The following CD47 variants were observed in gnomAD, a reference collection of about 807,000 sequenced individuals.
CD47 encodes leukocyte surface antigen CD47.
A neutral mutation model predicts 44.6 loss-of-function variants in CD47; 11 were observed. That is an observed-to-expected ratio of 0.25 (90% confidence interval 0.16 to 0.41). The LOEUF (loss-of-function observed/expected upper bound fraction) is 0.41. CD47 is among the 10% of genes least tolerant of loss of function. The pLI, the probability that CD47 is intolerant of heterozygous loss-of-function variation, is 1.00. For synonymous variants in CD47, 140 were observed against 136.3 expected, an observed-to-expected ratio of 1.03 and a Z score of -0.19; for missense variants, 306 against 386.7, an observed-to-expected ratio of 0.79 and a Z score of 1.75.
intron 3 of CD47, among the ~76,000 whole-genome samples, chr3:108,069,382 G>T (rs143566749): frequency 6.6e-6 from 1 of 151,828 alleles, no homozygotes; most frequent in Non-Finnish European, 1.5e-5. Flanking sequence ...TAAGCTGTAC[G>T]AGTCCATTTA....
At chr3:108,081,084 G>A (rs1286723945) in intron 1 of CD47, among the ~76,000 whole-genome samples, 1 of 151,842 alleles carries the variant, frequency 6.6e-6, no homozygotes, top group East Asian at 1.9e-4. Flanking sequence ...TATATTATGG[G>A]TATTCTTCCT....
At chr3:108,069,081 G>A (rs909321306) in intron 3 of CD47, among the ~76,000 whole-genome samples, 2 of 152,164 alleles carry the variant, frequency 1.3e-5, no homozygotes, top group South Asian at 2.1e-4. Context: ...TATAATATCA[G>A]AATTATAACT....
chr3:108,047,191 C>A lies in CD47; in HGVS notation c.*97G>T. On this transcript the variant is annotated 3_prime_UTR_variant, in exon 11 of 11. Transcript: ENST00000361309. ...CCAGTTACTTTTCTTGTTTCTTCTC[C>A]CCAACAGTGAATCATCAAGGCCATG... 1.0e-6 allele frequency: 1 copy of A among 978,714 alleles called. No individual in the cohort carries two copies. Among genetic ancestry groups the A allele is most frequent in the Non-Finnish European group, 1.6e-6 (1 of 632,976 alleles). 60.6% of individuals were successfully genotyped at this position (978,714 alleles called of 1,614,324 possible). A position where few individuals can be genotyped will look rare whatever the true frequency, so the allele number is the denominator to read the frequency against.
At position 108,044,490 on chromosome 3, in the gene CD47, C is replaced by T. The variant is rs1294485185; in HGVS notation, c.*2798G>A. 1 of 133,022 alleles carries T rather than the reference C, an allele frequency of 7.5e-6. No individual in the cohort carries two copies. The highest frequency in any genetic ancestry group is 1.6e-5 in the Non-Finnish European group (1 of 63,154). The allele number at this position is 133,022 out of a possible 1,614,324, so 8.2% of individuals were successfully genotyped here. ...AAGAAAGAAAACTCTCAAGCTCACC[C>T]TATTAAAAAGTGATAAATCTAAATA... On this transcript the variant is annotated 3_prime_UTR_variant, in exon 11 of 11. Transcript: ENST00000361309.
intron 3 of CD47, among the ~76,000 whole-genome samples, chr3:108,066,786 G>A (rs1261210722): frequency 2.6e-5 from 4 of 152,222 alleles, no homozygotes; most frequent in African/African-American, 9.6e-5. Flanking sequence ...TTACTGCAAT[G>A]CAAGAAACTC....
chr3:108,058,425 A>G lies in CD47; in HGVS notation c.696T>C (p.Ile232=), dbSNP rs2078954796. The part of the protein sequence containing the change: ...LLHYYVFSTA[I]GLTSFVIAIL... Reference sequence around the variant, plus strand: ...TGGCAATGACGAAGGAGGTTAATCCAATCGCTGGAGGAAGGAAAAGGATGT... The same window carrying G: ...TGGCAATGACGAAGGAGGTTAATCCGATCGCTGGAGGAAGGAAAAGGATGT... The change falls in exon 6 of 11, where the codon ATT becomes ATC. Residue 232 remains isoleucine (I), a synonymous_variant. Transcript: ENST00000361309. 1 of 1,556,852 alleles carries G rather than the reference A, an allele frequency of 6.4e-7. No homozygotes were observed. The highest frequency in any genetic ancestry group is 8.7e-7 in the Non-Finnish European group (1 of 1,147,764).
At chr3:108,090,484 G>A (rs2079610050) in intron 1 of CD47, among the ~76,000 whole-genome samples, 1 of 152,162 alleles carries the variant, frequency 6.6e-6, no homozygotes, top group African/African-American at 2.4e-5. Context: ...GGAGAGGGGT[G>A]CGAAAGAAGG....
intron 3 of CD47, among the ~76,000 whole-genome samples, chr3:108,061,881 C>T (rs1208281111): frequency 6.6e-6 from 1 of 152,044 alleles, no homozygotes; most frequent in South Asian, 2.1e-4. Flanking sequence ...TTATATTTAG[C>T]ATTTAGTTTT....
intron 3 of CD47, among the ~76,000 whole-genome samples, chr3:108,067,254 A>G (rs1005364936): frequency 1.3e-5 from 2 of 152,256 alleles, no homozygotes; most frequent in African/African-American, 4.8e-5. Flanking sequence ...AAGGTCATGG[A>G]ACAATATAAT....
chr3:108,077,204 C>T (rs185192603), intron 2 of CD47, among the ~76,000 whole-genome samples: 16 of 152,220 alleles, frequency 1.1e-4, no homozygotes, highest in Admixed American at 9.2e-4. Context: ...GCAAAAATCA[C>T]GACATAGTAA....
In CD47 at chr3:108,058,445, G is replaced by C. The variant is rs781056900; in HGVS notation, c.692-16C>G. 1.5e-5 allele frequency: 22 copies of C among 1,503,018 alleles called. No individual in the cohort carries two copies. Among genetic ancestry groups the C allele is most frequent in the South Asian group, 4.9e-5 (4 of 82,360 alleles). The allele number at this position is 1,503,018 out of a possible 1,614,324, so 93.1% of individuals were successfully genotyped here. ...AATCCAATCGCTGGAGGAAGGAAAA[G>C]GATGTAACAGAAGCATGTCAAGAGT... On this transcript the variant is annotated splice_polypyrimidine_tract_variant and intron_variant, in intron 5 of 10. Transcript: ENST00000361309.
intron 1 of CD47, among the ~76,000 whole-genome samples, chr3:108,090,642 CA>C (rs2079615793): frequency 6.9e-6 from 1 of 144,906 alleles, no homozygotes; most frequent in African/African-American, 2.6e-5. Context: ...CGCTCTCACC[CA>C]GGGGGAAGAA....
At chr3:108,069,407 T>TA (rs997010573) in intron 3 of CD47, among the ~76,000 whole-genome samples, 2 of 150,192 alleles carry the variant, frequency 1.3e-5, no homozygotes, top group African/African-American at 2.5e-5. Flanking sequence ...TACCTTTTTT[T>TA]AAAAAAAAGA....
chr3:108,088,617 C>T (rs1214406896), intron 1 of CD47, among the ~76,000 whole-genome samples: 1 of 151,144 alleles, frequency 6.6e-6, no homozygotes, highest in East Asian at 1.9e-4. Context: ...CATATGTACC[C>T]TGATTTAAAA....
intron 3 of CD47, among the ~76,000 whole-genome samples, chr3:108,067,687 T>G (rs1435128264): frequency 3.3e-5 from 5 of 152,248 alleles, no homozygotes; most frequent in Admixed American, 3.3e-4. Context: ...ATAGAGATTC[T>G]GCTTAAAAGT....
intron 3 of CD47, among the ~76,000 whole-genome samples, chr3:108,063,739 A>C (rs2079058935): frequency 6.6e-6 from 1 of 152,218 alleles, no homozygotes; most frequent in Non-Finnish European, 1.5e-5. Context: ...TTCTAGTATG[A>C]CTTTCAGACG....
chr3:108,071,010 C>T (rs1256401535), intron 3 of CD47, 83 bp downstream of exon 3: 3 of 632,120 alleles, frequency 4.7e-6, no homozygotes, highest in South Asian at 2.2e-5. Flanking sequence ...CCTAGTACAA[C>T]TTTAAATATT....
chr3:108,071,606 G>C (rs1361316357), intron 2 of CD47, among the ~76,000 whole-genome samples: 7 of 152,184 alleles, frequency 4.6e-5, no homozygotes. Context: ...CATGTATCTT[G>C]AAGGACTGTT....
chr3:108,050,548 TA>T, intron 9 of CD47, 29 bp downstream of exon 9: 2 of 1,108,940 alleles, frequency 1.8e-6, no homozygotes, highest in Admixed American at 2.1e-5. Flanking sequence ...TATGATCTGG[TA>T]AAGGATTAAG....
Sources: allele counts gnomAD v4.1 joint callset (sites outside exome capture counted in the v4.1 genomes callset), GRCh38; gene constraint gnomAD v4.1.1; transcripts MANE v1.5; gene names NCBI Gene and HGNC (gene_info 2026-07-23, HGNC 2026-07-21).